NCOA2: variants seen among roughly 807,000 people sequenced by gnomAD.
The protein encoded by NCOA2 is nuclear receptor coactivator 2.
Under a neutral mutation model 145.1 loss-of-function variants are expected in NCOA2, and 21 were observed. The observed-to-expected ratio is 0.14, with a 90% CI of 0.10 to 0.21. The LOEUF (loss-of-function observed/expected upper bound fraction) is 0.21, where lower values mean the gene tolerates loss of function less well. Among genes scored for constraint, NCOA2 ranks in the 10% least tolerant of loss-of-function variants. The pLI, the probability that NCOA2 is intolerant of heterozygous loss-of-function variation, is 1.00. For missense variants in NCOA2, 1,472 were observed against 1,837.6 expected (o/e 0.80, Z 3.64); for synonymous variants, 619 against 637.5 (o/e 0.97, Z 0.44).
intron 16 of NCOA2, among the ~76,000 whole-genome samples, chr8:70,129,702 G>A (rs1463420179): frequency 4.0e-5 from 6 of 151,552 alleles, no homozygotes. Context: ...ACGGAGTTTC[G>A]CTCTTGTTGC....
chr8:70,120,216 G>A (rs764718733), intron 22 of NCOA2, among the ~76,000 whole-genome samples: 24 of 152,142 alleles, frequency 1.6e-4, no homozygotes, highest in Non-Finnish European at 1.0e-4. Context: ...CAGGTTGTAT[G>A]GGATAGGATT....
intron 1 of NCOA2, among the ~76,000 whole-genome samples, chr8:70,349,130 C>T (rs1393194365): frequency 6.6e-6 from 1 of 151,928 alleles, no homozygotes; most frequent in Non-Finnish European, 1.5e-5. Context: ...AGCCTGTTAC[C>T]TGTGAGTATT....
chr8:70,408,143 TCTTA>T (rs571809795), upstream of NCOA2, among the ~76,000 whole-genome samples: 143 of 152,322 alleles, frequency 9.4e-4, 1 homozygote, highest in Non-Finnish European at 1.7e-3. Flanking sequence ...CAATCTTGGC[TCTTA>T]CTAACTGGGT....
At chr8:70,258,115 T>C (rs1389087604) in intron 2 of NCOA2, among the ~76,000 whole-genome samples, 2 of 152,064 alleles carry the variant, frequency 1.3e-5, no homozygotes, top group East Asian at 1.9e-4. Context: ...TAGGATTTCA[T>C]CATGTTGCCC....
intron 2 of NCOA2, among the ~76,000 whole-genome samples, chr8:70,231,514 C>T (rs1393027249): frequency 6.6e-6 from 1 of 152,208 alleles, no homozygotes. Context: ...TTTCCTGGCT[C>T]CGCCCCAGAC....
chr8:70,403,084 T>A (rs1814508237), intron 1 of NCOA2, among the ~76,000 whole-genome samples: 1 of 147,992 alleles, frequency 6.8e-6, no homozygotes, highest in African/African-American at 2.5e-5. Flanking sequence ...ACACCCCGCT[T>A]CACCTTCACA....
chr8:70,198,270 A>G (rs1003097196), intron 4 of NCOA2, among the ~76,000 whole-genome samples: 4 of 152,256 alleles, frequency 2.6e-5, no homozygotes, highest in African/African-American at 7.2e-5. Context: ...ACTACACTAC[A>G]AGCCAAAATG....
chr8:70,442,162 A>AGAAAGAAAGAAAGAAAGAAAGAAG, the NCOA2 span, among the ~76,000 whole-genome samples: 1 of 148,196 alleles, frequency 6.7e-6, no homozygotes, highest in African/African-American at 2.6e-5. Context: ...AAAGAAAGAA[A>AGAAAGAAAGAAAGAAAGAAAGAAG]GAGAAAGGCT....
chr8:70,328,964 CCTT>C (rs1038823600), intron 1 of NCOA2, among the ~76,000 whole-genome samples: 3 of 150,826 alleles, frequency 2.0e-5, no homozygotes, highest in African/African-American at 7.3e-5. Flanking sequence ...ATTTTTTTTT[CCTT>C]CTTAGAGACA....
At chr8:70,115,662 A>C (rs1451631847) in intron 22 of NCOA2, among the ~76,000 whole-genome samples, 1 of 152,258 alleles carries the variant, frequency 6.6e-6, no homozygotes, top group Admixed American at 6.5e-5. Flanking sequence ...AGTAATTACA[A>C]GAGAACCATG....
chr8:70,287,917 T>C (rs1478563497), intron 2 of NCOA2, among the ~76,000 whole-genome samples: 2 of 152,200 alleles, frequency 1.3e-5, no homozygotes, highest in African/African-American at 4.8e-5. Context: ...CTTTTTTGGC[T>C]TTCTCCGTCT....
chr8:70,377,881 C>T (rs905980926), intron 1 of NCOA2, among the ~76,000 whole-genome samples: 2 of 152,046 alleles, frequency 1.3e-5, no homozygotes, highest in African/African-American at 4.8e-5. Context: ...ATTTTTGTTT[C>T]CCAAGGAAAT....
chr8:70,342,607 C>T (rs1808231445), intron 1 of NCOA2, among the ~76,000 whole-genome samples: 1 of 151,874 alleles, frequency 6.6e-6, no homozygotes, highest in African/African-American at 2.4e-5. Flanking sequence ...AACATACTTG[C>T]CACAGATTGT....
At chr8:70,174,977 A>G (rs1252380337) in intron 4 of NCOA2, 118 bp from the exon 5 acceptor site, 2 of 881,688 alleles carry the variant, frequency 2.3e-6, no homozygotes, top group Non-Finnish European at 3.6e-6. Context: ...TGCAGCTACA[A>G]AAGAGTTACA....
chr8:70,325,548 A>C (rs1806482395), intron 1 of NCOA2, among the ~76,000 whole-genome samples: 2 of 151,688 alleles, frequency 1.3e-5, no homozygotes, highest in African/African-American at 4.9e-5. Flanking sequence ...AGTAGCTGGG[A>C]CTACAGGTGC....
At chr8:70,200,384 C>T (rs1817761600) in intron 4 of NCOA2, among the ~76,000 whole-genome samples, 1 of 152,148 alleles carries the variant, frequency 6.6e-6, no homozygotes, top group Non-Finnish European at 1.5e-5. Context: ...AACCACCTTC[C>T]ATGAAGCCCA....
chr8:70,165,193 C>A (rs1271419796), intron 7 of NCOA2, among the ~76,000 whole-genome samples: 1 of 152,194 alleles, frequency 6.6e-6, no homozygotes. Flanking sequence ...AAAATAAAAT[C>A]ATTTGACCTA....
At chr8:70,390,431 C>T (rs752291169) in intron 1 of NCOA2, among the ~76,000 whole-genome samples, 12 of 152,118 alleles carry the variant, frequency 7.9e-5, no homozygotes, top group Non-Finnish European at 1.6e-4. Context: ...ATCTTTCCTG[C>T]CCACTACTCT....
At chr8:70,151,696 G>A (rs1298996855) in intron 11 of NCOA2, among the ~76,000 whole-genome samples, 1 of 152,126 alleles carries the variant, frequency 6.6e-6, no homozygotes, top group African/African-American at 2.4e-5. Context: ...TTCAAGCTTG[G>A]CATCTGAAAA....
Sources: gnomAD v4.1 joint callset for allele counts (sites outside exome capture counted in the v4.1 genomes callset) on GRCh38, gnomAD v4.1.1 for gene constraint, MANE v1.5 for transcripts, NCBI Gene and HGNC (gene_info 2026-07-23, HGNC 2026-07-21) for gene names.